HEATR6: variants seen among roughly 807,000 people sequenced by gnomAD.
HEATR6 encodes the protein HEAT repeat-containing protein 6.
In HEATR6, 106 loss-of-function variants were observed where a neutral mutation model predicts 132.8. The ratio of observed to expected loss-of-function variants is 0.80; its 90% CI spans 0.68 to 0.94. The LOEUF (loss-of-function observed/expected upper bound fraction) is 0.94. Ranked by LOEUF, HEATR6 falls within the 40% of genes least tolerant of loss-of-function variation. HEATR6 has a pLI of 0.00. For missense variants in HEATR6, 1,339 were observed against 1,425.1 expected (o/e 0.94, Z 0.97); for synonymous variants, 529 against 537.8 (o/e 0.98, Z 0.23).
At chr17:60,050,001 GA>G (rs1906525451) in intron 15 of HEATR6, among the ~76,000 whole-genome samples, 1 of 151,954 alleles carries the variant, frequency 6.6e-6, no homozygotes, top group Non-Finnish European at 1.5e-5. Flanking sequence ...GAGGACCAAA[GA>G]AAAAAAGCAG....
chr17:60,060,176 C>T (rs574708313), intron 9 of HEATR6, 80 bp from the exon 10 acceptor site: 2 of 947,858 alleles, frequency 2.1e-6, no homozygotes, highest in African/African-American at 3.3e-5. Context: ...ATTTAATGTT[C>T]AAAGTATTTA....
rs775621605 is a variant in HEATR6, at chr17:60,060,093, G to A, written c.1420C>T (p.Arg474Cys). ...LTLKDPSPKT[R>C]ACALQVLSAI... ...GATAAAACTTGCAGAGCACAGGCAC[G>A]TGTCTGAAATTTCGGGATGATTCAC... Residue 474 changes from arginine (R) to cysteine (C), a missense_variant, in exon 10 of 20, where the codon CGT (arginine) becomes TGT (cysteine). Physicochemically the swap from Arg to Cys is radical, Grantham distance 180. Transcript: ENST00000184956. 18 of 1,612,752 alleles carry A rather than the reference G, an allele frequency of 1.1e-5. No individual in the cohort carries two copies. Among genetic ancestry groups the A allele is most frequent in the Non-Finnish European group, 1.2e-5 (14 of 1,179,116 alleles).
chr17:60,074,287 T>C, intron 2 of HEATR6: 1 of 196,784 alleles, frequency 5.1e-6, no homozygotes, highest in Non-Finnish European at 9.3e-6. Context: ...ATCTCTAACA[T>C]GACATGAGGA....
chr17:60,078,671 G>T, intron 1 of HEATR6, 25 bp downstream of exon 1: 1 of 1,521,812 alleles, frequency 6.6e-7, no homozygotes, highest in Non-Finnish European at 8.8e-7. Flanking sequence ...GGCCGGGGCC[G>T]GGGCCAGCAG....
chr17:60,055,062 G>A (rs1906700450), intron 14 of HEATR6, among the ~76,000 whole-genome samples: 4 of 152,068 alleles, frequency 2.6e-5, no homozygotes, highest in Admixed American at 6.6e-5. Context: ...GAGCTCATAC[G>A]AGAGCTGGTT....
Position 60,076,227 on chromosome 17 carries a change from G to A in HEATR6, c.230C>T (p.Ala77Val), listed in dbSNP as rs760935203. 17 of 1,598,110 alleles carry A rather than the reference G, an allele frequency of 1.1e-5. No homozygotes were observed. Among genetic ancestry groups the A allele is most frequent in the Admixed American group, 5.0e-5 (3 of 59,712 alleles). Residue 77 changes from alanine to valine, a missense_variant, in exon 2 of 20, where the codon GCT becomes GTT. Physicochemically the swap from Ala to Val is moderately conservative, Grantham distance 64 (BLOSUM62 0). Transcript: ENST00000184956. The stretch of plus-strand genomic sequence containing the variant: ...CAGTCGGCAAGCCTGGACAAGAAGA[G>A]CACTAACGTCCTACCAAAAAAAAAA... ...GSGVAPEDVSALLVQACRLVP... is the reference protein window; with the variant it reads ...GSGVAPEDVSVLLVQACRLVP...
At chr17:60,075,419 T>C (rs2083291353) in intron 2 of HEATR6, among the ~76,000 whole-genome samples, 1 of 152,236 alleles carries the variant, frequency 6.6e-6, no homozygotes, top group Admixed American at 6.5e-5. Flanking sequence ...GCCAAAAGCA[T>C]CCTAATTCAC....
chr17:60,073,074 C>T (rs1303817091), intron 4 of HEATR6, 90 bp downstream of exon 4: 1 of 680,956 alleles, frequency 1.5e-6, no homozygotes, highest in Non-Finnish European at 2.6e-6. Flanking sequence ...TCTAAGTTGG[C>T]TCTGGCTTCA....
chr17:60,076,131 T>C lies in HEATR6; in HGVS notation c.326A>G (p.Gln109Arg). 3 of 1,544,722 alleles carry C rather than the reference T, an allele frequency of 1.9e-6. No homozygotes were observed. Among genetic ancestry groups the C allele is most frequent in the Non-Finnish European group, 2.7e-6 (3 of 1,118,246 alleles). Reference protein sequence around the residue: ...QLIHHLLNRLQVIVDEQHLDF... With the variant: ...QLIHHLLNRLRVIVDEQHLDF... ...TTCTAGAGTTACATACATGATTACC[T>C]GTAATCTGTTAAGTAAATGGTGGAT... Residue 109 changes from glutamine to arginine, a missense_variant and splice_region_variant, in exon 2 of 20, where the codon CAG becomes CGG. By Grantham distance (43) the Gln-to-Arg change is conservative. Coordinates refer to ENST00000184956, the MANE Select transcript of HEATR6 (RefSeq NM_022070.5).
chr17:60,057,188 AC>A lies in HEATR6; in HGVS notation c.1938del (p.Ser647LeufsTer49). The A allele has an allele frequency of 6.2e-7, 1 of 1,613,268 alleles. No homozygotes were observed. Among genetic ancestry groups the A allele is most frequent in the East Asian group, 2.2e-5 (1 of 44,840 alleles). On this transcript the variant is annotated frameshift_variant, in exon 12 of 20. Transcript: ENST00000184956. LOFTEE classifies it high-confidence loss of function. The part of the protein sequence containing the change: ...LEETSVSSPK[G>X]SSEPCWLIRL... ...CGAATGAGCCAGCAGGGCTCTGAAG[AC>A]CCCTTAGGTGAGCTAACTGACGTTT... is the stretch of plus-strand genomic sequence containing the variant.
At chr17:60,060,274 A>C (rs2083203113) in intron 9 of HEATR6, among the ~76,000 whole-genome samples, 178 bp from the exon 10 acceptor site, 1 of 152,142 alleles carries the variant, frequency 6.6e-6, no homozygotes, top group Middle Eastern at 3.4e-3. Flanking sequence ...CCTAAAAAAA[A>C]ATCTTTATTT....
At chr17:60,069,975 A>C in intron 6 of HEATR6, 127 bp from the exon 7 acceptor site, 2 of 1,099,124 alleles carry the variant, frequency 1.8e-6, no homozygotes, top group South Asian at 1.7e-5. Flanking sequence ...TAATGTTCAA[A>C]AGCCTACTAA....
chr17:60,071,980 G>A (rs1455674745), intron 5 of HEATR6, among the ~76,000 whole-genome samples: 2 of 151,936 alleles, frequency 1.3e-5, no homozygotes, highest in Non-Finnish European at 2.9e-5. Context: ...ATACTCAGAA[G>A]GAAAAAGAAT....
chr17:60,065,229 T>C (rs567792631), intron 9 of HEATR6, among the ~76,000 whole-genome samples: 151 of 152,342 alleles, frequency 9.9e-4, no homozygotes, highest in African/African-American at 3.2e-3. Context: ...TTTTTTTGCG[T>C]GTATATAAAA....
In HEATR6 at chr17:60,044,092, G is replaced by T. The variant is rs16943991; in HGVS notation, c.3017C>A (p.Ser1006Ter). The change falls in exon 20 of 20, where the codon TCG becomes TAG. Residue 1006 changes from serine to a stop codon, truncating the protein, a stop_gained. Transcript: ENST00000184956. LOFTEE classifies it high-confidence loss of function. ...GAAGTTCTTGCATGATGTCACGACC[G>T]ATGTCAGGGCATTGTAGGCCTGGGA... ...WTSQAYNALTSVVTSCKNFKV... is the reference protein window; with the variant it reads ...WTSQAYNALT 3 of 1,613,358 alleles carry T rather than the reference G, an allele frequency of 1.9e-6. No individual in the cohort carries two copies. The highest frequency in any genetic ancestry group is 2.5e-6 in the Non-Finnish European group (3 of 1,179,698).
chr17:60,056,280 A>C (rs763754311), intron 12 of HEATR6, 43 bp from the exon 13 acceptor site: 1 of 1,563,114 alleles, frequency 6.4e-7, no homozygotes, highest in Non-Finnish European at 8.7e-7. Flanking sequence ...ACCTGAGTGC[A>C]AGGCTGCAAT....
intron 14 of HEATR6, among the ~76,000 whole-genome samples, chr17:60,054,741 C>T (rs759402518): frequency 5.9e-5 from 9 of 152,198 alleles, no homozygotes; most frequent in Non-Finnish European, 1.0e-4. Flanking sequence ...ATCTTACAGG[C>T]TCATAGGTGG....
chr17:60,069,715 G>C lies in HEATR6; in HGVS notation c.935C>G (p.Thr312Ser), dbSNP rs1434869216. ...TCTAAATAAACATAAATGTACCAAA[G>C]TTGGTCGAGAAGCACTGGATTCTGA... is the stretch of plus-strand genomic sequence containing the variant. ...QQSESSASRP[T>S]LNKKKKSKVK... The change falls in exon 7 of 20, where the codon ACT (threonine) becomes AGT (serine). Residue 312 changes from threonine (T) to serine (S), a missense_variant. Physicochemically the swap from Thr to Ser is moderately conservative, Grantham distance 58. Transcript: ENST00000184956. The C allele has an allele frequency of 6.2e-7, 1 of 1,613,704 alleles. No homozygotes were observed. Among genetic ancestry groups the C allele is most frequent in the Non-Finnish European group, 8.5e-7 (1 of 1,179,814 alleles).
At chr17:60,048,150 T>A in intron 17 of HEATR6, 114 bp downstream of exon 17, 1 of 1,054,160 alleles carries the variant, frequency 9.5e-7, no homozygotes, top group African/African-American at 1.6e-5. Context: ...GCAGGAAGAC[T>A]GACTGCATAA....
Sources: gnomAD v4.1 joint callset for allele counts (sites outside exome capture counted in the v4.1 genomes callset) on GRCh38, gnomAD v4.1.1 for gene constraint, MANE v1.5 for transcripts, NCBI Gene and HGNC (gene_info 2026-07-23, HGNC 2026-07-21) for gene names.